Variants in ARHGAP18 observed in about 807,000 individuals in gnomAD.
ARHGAP18 encodes the protein Rho GTPase activating protein 18.
In ARHGAP18, 67 loss-of-function variants were observed where a neutral mutation model predicts 86.2. The observed-to-expected ratio is 0.78, with a 90% confidence interval of 0.64 to 0.95. ARHGAP18 has a LOEUF of 0.95. Ranked by LOEUF, ARHGAP18 falls within the 40% of genes least tolerant of loss-of-function variation. The pLI, the probability that ARHGAP18 is intolerant of heterozygous loss-of-function variation, is 0.00. For synonymous variants in ARHGAP18, 283 were observed against 280.4 expected, an observed-to-expected ratio of 1.01 and a Z score of -0.09; for missense variants, 691 against 780.4, an observed-to-expected ratio of 0.89 and a Z score of 1.37.
chr6:129,598,662 A>T (rs1788668277), intron 12 of ARHGAP18, among the ~76,000 whole-genome samples: 1 of 152,166 alleles, frequency 6.6e-6, no homozygotes, highest in South Asian at 2.1e-4. Context: ...TTTTTGAAAC[A>T]TCTTAATTTT....
chr6:129,692,815 C>A (rs1224785962), intron 1 of ARHGAP18, among the ~76,000 whole-genome samples: 1 of 152,126 alleles, frequency 6.6e-6, no homozygotes, highest in Non-Finnish European at 1.5e-5. Flanking sequence ...GGAGAAGCTC[C>A]TCAAAGAGCT....
chr6:129,703,310 G>A lies in ARHGAP18; in HGVS notation c.113+6714C>T, dbSNP rs1005458906. Among the ~76,000 whole-genome samples, 6 of 152,216 alleles carry A rather than the reference G, an allele frequency of 3.9e-5. No individual in the cohort carries two copies. The East Asian group carries it at 9.6e-4, about 24-fold the overall frequency. On this transcript the variant is annotated intron_variant, in intron 1 of 14. Transcript: ENST00000368149. Reference sequence around the variant, plus strand: ...CATCATTAAATGCATCAATTGTTACGAGTCTTTATTGCTTCAACACTTGTA... The same window carrying A: ...CATCATTAAATGCATCAATTGTTACAAGTCTTTATTGCTTCAACACTTGTA...
chr6:129,650,092 T>C (rs1430753345), intron 1 of ARHGAP18, among the ~76,000 whole-genome samples: 1 of 151,062 alleles, frequency 6.6e-6, no homozygotes. Context: ...TTTTTTTTTT[T>C]TTTGTATTTT....
At chr6:129,669,923 G>A (rs1216085092) in intron 1 of ARHGAP18, among the ~76,000 whole-genome samples, 2 of 152,104 alleles carry the variant, frequency 1.3e-5, no homozygotes, top group African/African-American at 4.8e-5. Context: ...ATTTTCTAGA[G>A]TGAACAAATA....
At chr6:129,675,218 A>G (rs1032161608) in intron 1 of ARHGAP18, among the ~76,000 whole-genome samples, 1 of 152,084 alleles carries the variant, frequency 6.6e-6, no homozygotes, top group African/African-American at 2.4e-5. Flanking sequence ...ATCCACCTTC[A>G]GTTCACTCAG....
chr6:129,646,214 C>A (rs1773576444), intron 1 of ARHGAP18, among the ~76,000 whole-genome samples: 1 of 152,158 alleles, frequency 6.6e-6, no homozygotes, highest in Admixed American at 6.5e-5. Flanking sequence ...TACTTAACTG[C>A]AATCTTTGGT....
chr6:129,661,309 T>TAAA (rs11370799), intron 1 of ARHGAP18, among the ~76,000 whole-genome samples: 49 of 111,192 alleles, frequency 4.4e-4, no homozygotes, highest in South Asian at 6.5e-4. Context: ...GCAAGAATCT[T>TAAA]AAAAAAAAAA....
chr6:129,673,552 T>C (rs1774177388), intron 1 of ARHGAP18, among the ~76,000 whole-genome samples: 1 of 152,242 alleles, frequency 6.6e-6, no homozygotes, highest in African/African-American at 2.4e-5. Flanking sequence ...TCATACATTT[T>C]TAAGCTCTTA....
At chr6:129,614,548 C>A (rs1021213949) in intron 7 of ARHGAP18, among the ~76,000 whole-genome samples, 1 of 151,934 alleles carries the variant, frequency 6.6e-6, no homozygotes, top group Admixed American at 6.6e-5. Flanking sequence ...AAAAAAACTT[C>A]AAGAGAAAAT....
intron 7 of ARHGAP18, among the ~76,000 whole-genome samples, chr6:129,612,412 C>G (rs1788998422): frequency 6.6e-6 from 1 of 152,194 alleles, no homozygotes; most frequent in Non-Finnish European, 1.5e-5. Flanking sequence ...TTCCTAGCAT[C>G]ATATAGGTTT....
chr6:129,600,352 A>G (rs1188138198), intron 11 of ARHGAP18, among the ~76,000 whole-genome samples: 1 of 152,204 alleles, frequency 6.6e-6, no homozygotes, highest in East Asian at 1.9e-4. Flanking sequence ...GGTCTATGAA[A>G]AAGAACTGAA....
chr6:129,590,987 A>G (rs1315502209), intron 12 of ARHGAP18, among the ~76,000 whole-genome samples: 3 of 152,230 alleles, frequency 2.0e-5, no homozygotes, highest in Non-Finnish European at 4.4e-5. Context: ...TGGTAAAGCT[A>G]AAGAGTTAAA....
chr6:129,645,844 A>G (rs1279739594), intron 1 of ARHGAP18, among the ~76,000 whole-genome samples: 2 of 152,132 alleles, frequency 1.3e-5, no homozygotes, highest in Non-Finnish European at 2.9e-5. Flanking sequence ...CTTCTTTTCC[A>G]TCTTGCTAGC....
At chr6:129,627,795 G>C (rs561654788) in intron 5 of ARHGAP18, among the ~76,000 whole-genome samples, 1 of 152,174 alleles carries the variant, frequency 6.6e-6, no homozygotes, top group African/African-American at 2.4e-5. Flanking sequence ...TGTATAAAAA[G>C]ATTATAAAAT....
intron 1 of ARHGAP18, among the ~76,000 whole-genome samples, chr6:129,690,315 T>C (rs1375974681): frequency 6.6e-6 from 1 of 152,212 alleles, no homozygotes; most frequent in Non-Finnish European, 1.5e-5. Flanking sequence ...GAGAGAAACC[T>C]ACAAATGCTA....
At chr6:129,629,885 A>G (rs932409463) in intron 4 of ARHGAP18, among the ~76,000 whole-genome samples, 1 of 152,222 alleles carries the variant, frequency 6.6e-6, no homozygotes, top group South Asian at 2.1e-4. Flanking sequence ...ACTAAAAGCA[A>G]AAAAAGAAGG....
At chr6:129,623,601 A>G (rs1789277456) in intron 5 of ARHGAP18, among the ~76,000 whole-genome samples, 1 of 152,178 alleles carries the variant, frequency 6.6e-6, no homozygotes, top group Admixed American at 6.5e-5. Flanking sequence ...GAAGTAGAGG[A>G]GCATGGAACA....
intron 1 of ARHGAP18, among the ~76,000 whole-genome samples, chr6:129,704,915 C>A (rs1176972837): frequency 6.6e-6 from 1 of 152,184 alleles, no homozygotes; most frequent in Non-Finnish European, 1.5e-5. Flanking sequence ...CTTATCCTGA[C>A]CCCTGCAGTC....
chr6:129,710,058 TG>T lies in ARHGAP18; in HGVS notation c.78del (p.Asn26LysfsTer21). ...HPSGKDQTVG[N>X]SHAKAGEEAT... is the part of the protein sequence containing the mutation. ...GCTTCCTCCCCTGCCTTTGCATGGC[TG>T]TTCCCGACGGTCTGGTCCTTGCCGC... On this transcript the variant is annotated frameshift_variant, in exon 1 of 15. Transcript: ENST00000368149. LOFTEE classifies it high-confidence loss of function. 1 of 1,614,154 alleles carries T rather than the reference TG, an allele frequency of 6.2e-7. No individual in the cohort carries two copies. Among genetic ancestry groups the T allele is most frequent in the Non-Finnish European group, 8.5e-7 (1 of 1,179,964 alleles).
Sources: gnomAD v4.1 joint callset for allele counts (sites outside exome capture counted in the v4.1 genomes callset) on GRCh38, gnomAD v4.1.1 for gene constraint, MANE v1.5 for transcripts, NCBI Gene and HGNC (gene_info 2026-07-23, HGNC 2026-07-21) for gene names.